The following PRC1 variants were observed in gnomAD, a reference collection of about 807,000 sequenced individuals.
PRC1 encodes the protein anaphase spindle elongation 1 homolog.
A neutral mutation model predicts 91.2 loss-of-function variants in PRC1; 54 were observed. The observed-to-expected ratio is 0.59, with a 90% CI of 0.48 to 0.74. The LOEUF is 0.74. PRC1 is among the 30% of genes least tolerant of loss of function. The pLI, the probability that PRC1 is intolerant of heterozygous loss-of-function variation, is 0.00. For synonymous variants in PRC1, 275 were observed against 263.6 expected, an observed-to-expected ratio of 1.04 and a Z score of -0.42; for missense variants, 727 against 746.2, an observed-to-expected ratio of 0.97 and a Z score of 0.30.
chr15:90,978,597 C>G (rs2038925585), intron 8 of PRC1, among the ~76,000 whole-genome samples: 1 of 151,596 alleles, frequency 6.6e-6, no homozygotes, highest in Non-Finnish European at 1.5e-5. Flanking sequence ...ACTAAAAATA[C>G]AAAAAATTAG....
chr15:90,979,824 T>A (rs1354595258), intron 7 of PRC1, among the ~76,000 whole-genome samples: 1 of 152,230 alleles, frequency 6.6e-6, no homozygotes, highest in African/African-American at 2.4e-5. Flanking sequence ...GACATGAGGA[T>A]GTGAAATAAT....
At position 90,979,380 on chromosome 15, in the gene PRC1, AAT is replaced by A. The variant is rs547402816; in HGVS notation, c.971-88_971-87del. ...CGAATCCCCGATTCCCTAAAATGGA[AAT>A]AGATTCTTTCCTTATAGTAAACTGA... On this transcript the variant is annotated intron_variant, in intron 7 of 14. Transcript: ENST00000394249. 1.0e-4 allele frequency: 143 copies of A among 1,418,768 alleles called. 3 individuals are homozygous for A. The South Asian group carries it at 1.8e-3, about 17-fold the overall frequency. The allele number at this position is 1,418,768 out of a possible 1,614,324, so 87.9% of individuals were successfully genotyped here.
chr15:90,968,731 A>G (rs2037769635), intron 14 of PRC1: 1 of 1,139,684 alleles, frequency 8.8e-7, no homozygotes, highest in Non-Finnish European at 1.1e-6. Flanking sequence ...TGTAGGCAGC[A>G]CACAGCTGGG....
chr15:90,980,130 G>T, intron 7 of PRC1, 112 bp downstream of exon 7: 1 of 1,349,908 alleles, frequency 7.4e-7, no homozygotes, highest in Non-Finnish European at 9.7e-7. Context: ...CCAACACTTT[G>T]GGAGGCCAAG....
intron 12 of PRC1, among the ~76,000 whole-genome samples, 182 bp from the exon 13 acceptor site, chr15:90,969,805 G>C (rs1380011304): frequency 8.6e-6 from 1 of 116,046 alleles, no homozygotes; most frequent in African/African-American, 2.9e-5. Context: ...TATATATGGG[G>C]CTGGGTGTGG....
Position 90,969,514 on chromosome 15 carries a change from G to C in PRC1, c.1682C>G (p.Pro561Arg). 1.9e-6 allele frequency: 3 copies of C among 1,613,532 alleles called. No homozygotes were observed. The highest frequency in any genetic ancestry group is 2.5e-6 in the Non-Finnish European group (3 of 1,179,600). The change falls in exon 13 of 15, where the codon CCT (proline) becomes CGT (arginine). Residue 561 changes from proline to arginine, a missense_variant. By Grantham distance (103) the Pro-to-Arg change is moderately radical. Transcript: ENST00000394249. ...LNGSILSGGY[P>R]GSAPLQRNFS... ...GTTGCGCTGGAGGGGGGCCGAGCCA[G>C]GGTACCCACCACTCAGGATGCTGCC...
intron 14 of PRC1, chr15:90,967,521 C>G: frequency 7.1e-6 from 2 of 280,764 alleles, no homozygotes; most frequent in Non-Finnish European, 1.4e-5. Flanking sequence ...AGGCCACATA[C>G]ACTATGGTGG....
Position 90,981,857 on chromosome 15 carries a change from A to G in PRC1, c.392T>C (p.Leu131Pro), listed in dbSNP as rs2039221569. ...LKLLQEQDQE[L>P]CEILCMPHYD... ...GTGGGGCATACAAAGAATTTCGCAC[A>G]GTTCTTGATCTTGCTCTTGAAGTAG... is the stretch of plus-strand genomic sequence containing the variant. Residue 131 changes from leucine (L) to proline (P), a missense_variant, in exon 4 of 15, where the codon CTG (leucine) becomes CCG (proline). By Grantham distance (98) the Leu-to-Pro change is moderately conservative (BLOSUM62 -3). Transcript: ENST00000394249. 1 of 1,614,224 alleles carries G rather than the reference A, an allele frequency of 6.2e-7. No homozygotes were observed. The highest frequency in any genetic ancestry group is 8.5e-7 in the Non-Finnish European group (1 of 1,180,036).
At chr15:90,986,998 GCACGGTAGTT>G (rs2039627758) in intron 1 of PRC1, among the ~76,000 whole-genome samples, 2 of 151,602 alleles carry the variant, frequency 1.3e-5, no homozygotes, top group Non-Finnish European at 2.9e-5. Context: ...AACTGGCCAG[GCACGGTAGTT>G]CACGCCTGTA....
chr15:90,972,464 C>G (rs1175551196), intron 11 of PRC1, among the ~76,000 whole-genome samples: 5 of 152,040 alleles, frequency 3.3e-5, no homozygotes, highest in Non-Finnish European at 7.4e-5. Context: ...AAAAAGTAGG[C>G]CAGGCACAGT....
rs553179223 is a variant in PRC1 at position 90,979,024 on chromosome 15, G to C, written c.1107+134C>G. On this transcript the variant is annotated intron_variant, in intron 8 of 14. Transcript: ENST00000394249. ...TAGATAAGCTTATCAAACAGAGGCG[G>C]TCAGCAGAAATTCAGAGAGACTTAA... 35 of 1,146,382 alleles carry C rather than the reference G, an allele frequency of 3.1e-5. No individual in the cohort carries two copies. In the East Asian group the frequency reaches 6.1e-4, roughly 20 times the overall value. The allele number at this position is 1,146,382 out of a possible 1,614,324, so 71.0% of individuals were successfully genotyped here. A position where few individuals can be genotyped will look rare whatever the true frequency, so the allele number is the denominator to read the frequency against.
chr15:90,972,213 A>C (rs985195159), intron 11 of PRC1, among the ~76,000 whole-genome samples: 4 of 134,350 alleles, frequency 3.0e-5, no homozygotes, highest in Non-Finnish European at 4.6e-5. Context: ...AACACCACCA[A>C]CAAAAAAAAA....
intron 14 of PRC1, 92 bp downstream of exon 14, chr15:90,968,984 GATT>G: frequency 6.3e-7 from 1 of 1,595,630 alleles, no homozygotes; most frequent in East Asian, 2.2e-5. Context: ...ACACTGCTGA[GATT>G]ATTAGTTAGT....
rs772467258 is a variant in PRC1 at position 90,979,346 on chromosome 15, C to G, written c.971-52G>C. The G allele has an allele frequency of 2.6e-6, 4 of 1,551,720 alleles. No homozygotes were observed. The South Asian group carries it at 3.5e-5, about 14-fold the overall frequency. On this transcript the variant is annotated intron_variant, in intron 7 of 14. Coordinates refer to ENST00000394249, the MANE Select transcript of PRC1 (RefSeq NM_003981.4). ...AAACAATTCCTCTAGTATTTAGTAT[C>G]CAATTTTACGAATCCCCGATTCCCT... is the stretch of plus-strand genomic sequence containing the variant.
In PRC1 at chr15:90,979,162, A is replaced by C. The variant is rs750995429; in HGVS notation, c.1103T>G (p.Phe368Cys). ...WEETWRLFLE[F>C]ERKASDPNRF... ...ACACAAAAACTAGGACAATACCTCA[A>C]ACTCTAAGAAAAGCCTCCAGGTTTC... Residue 368 changes from phenylalanine (F) to cysteine (C), a missense_variant, in exon 8 of 15, where the codon TTT (phenylalanine) becomes TGT (cysteine). By Grantham distance (205) the Phe-to-Cys change is radical. Coordinates refer to ENST00000394249, the MANE Select transcript of PRC1 (RefSeq NM_003981.4). The C allele has an allele frequency of 1.9e-6, 3 of 1,613,132 alleles. No homozygotes were observed. Among genetic ancestry groups the C allele is most frequent in the Non-Finnish European group, 2.5e-6 (3 of 1,179,718 alleles).
In PRC1 at chr15:90,966,635, C is replaced by G. The variant is rs886986632; in HGVS notation, c.*496G>C. ...AACTTCGGACACACAAAGACATTCTCTTCAGGAGGAAGGCTGTCCTGTGTG... is the reference window on the plus strand; with the variant it reads ...AACTTCGGACACACAAAGACATTCTGTTCAGGAGGAAGGCTGTCCTGTGTG... On this transcript the variant is annotated 3_prime_UTR_variant, in exon 15 of 15. Transcript: ENST00000394249. The G allele has an allele frequency of 2.2e-6, 1 of 456,100 alleles. No individual in the cohort carries two copies. The highest frequency in any genetic ancestry group is 2.0e-5 in the African/African-American group (1 of 50,082). The allele number at this position is 456,100 out of a possible 1,614,324, so 28.3% of individuals were successfully genotyped here. A position where few individuals can be genotyped will look rare whatever the true frequency, so the allele number is the denominator to read the frequency against.
At chr15:90,983,232 C>T (rs2039343636) in intron 3 of PRC1, among the ~76,000 whole-genome samples, 1 of 152,138 alleles carries the variant, frequency 6.6e-6, no homozygotes, top group Admixed American at 6.5e-5. Flanking sequence ...GGTGATCTCC[C>T]TCCTAAGCTA....
At position 90,970,525 on chromosome 15, in the gene PRC1, G is replaced by A. The variant is rs775884772; in HGVS notation, c.1462-11C>T. On this transcript the variant is annotated splice_polypyrimidine_tract_variant and intron_variant, in intron 11 of 14. Coordinates refer to ENST00000394249, the MANE Select transcript of PRC1 (RefSeq NM_003981.4). The stretch of plus-strand genomic sequence containing the variant: ...GGTGGTAGTGTTCAGCTAGGGAGAA[G>A]AGCACGTGGGTAACTGATGTGCAGT... 10 of 1,568,550 alleles carry A rather than the reference G, an allele frequency of 6.4e-6. No individual in the cohort carries two copies. Among genetic ancestry groups the A allele is most frequent in the Middle Eastern group, 1.7e-4 (1 of 6,000 alleles).
chr15:90,994,489 C>CCCGA lies in PRC1; in HGVS notation c.-73_-72insTCGG. 1 of 1,548,432 alleles carries CCCGA rather than the reference C, an allele frequency of 6.5e-7. No homozygotes were observed. The highest frequency in any genetic ancestry group is 8.8e-7 in the Non-Finnish European group (1 of 1,142,742). On this transcript the variant is annotated 5_prime_UTR_variant, in exon 1 of 15. Coordinates refer to ENST00000394249, the MANE Select transcript of PRC1 (RefSeq NM_003981.4). ...CACGGCCCCGAGAGCAACAACCACC[C>CCCGA]GCAAACACCGGCGATGTCACTCCGC...
Sources: allele counts gnomAD v4.1 joint callset (sites outside exome capture counted in the v4.1 genomes callset), GRCh38; gene constraint gnomAD v4.1.1; transcripts MANE v1.5; gene names NCBI Gene and HGNC (gene_info 2026-07-23, HGNC 2026-07-21).